The following RAD9B variants were observed in gnomAD, a reference collection of about 807,000 sequenced individuals.
RAD9B encodes the protein cell cycle checkpoint control protein RAD9B.
A neutral mutation model predicts 48.3 loss-of-function variants in RAD9B; 41 were observed. The observed-to-expected ratio is 0.85, with a 90% CI of 0.66 to 1.10. The LOEUF is 1.10. RAD9B is among the 50% of genes least tolerant of loss of function. The pLI, the probability that RAD9B is intolerant of heterozygous loss-of-function variation, is 0.00. For missense variants in RAD9B, 444 were observed against 485.1 expected (o/e 0.92, Z 0.80); for synonymous variants, 160 against 157.9 (o/e 1.01, Z -0.10).
intron 8 of RAD9B, among the ~76,000 whole-genome samples, chr12:110,519,577 T>C (rs1014253862): frequency 6.6e-6 from 1 of 151,914 alleles, no homozygotes; most frequent in Non-Finnish European, 1.5e-5. Context: ...ATTACAGGCA[T>C]GCACCATCAT....
rs746558233 is a variant in RAD9B, at chr12:110,530,635, C to T, written c.1236C>T (p.Gly412=). 5 of 1,613,840 alleles carry T rather than the reference C, an allele frequency of 3.1e-6. No individual in the cohort carries two copies. Among genetic ancestry groups the T allele is most frequent in the Non-Finnish European group, 4.2e-6 (5 of 1,179,864 alleles). Residue 412 remains glycine, a synonymous_variant, in exon 11 of 11, where the codon GGC becomes GGT. Coordinates refer to ENST00000409300, the MANE Select transcript of RAD9B (RefSeq NM_001286535.2). ...ACAGTGAAGAGGACATGAATAATGGCAGTTTCTCTATATTCTAATGCTTAA... is the reference window on the plus strand; with the variant it reads ...ACAGTGAAGAGGACATGAATAATGGTAGTTTCTCTATATTCTAATGCTTAA... ...ASDSEEDMNN[G]SFSIF
intron 2 of RAD9B, among the ~76,000 whole-genome samples, chr12:110,504,468 G>C (rs1289601863): frequency 7.3e-6 from 1 of 137,538 alleles, no homozygotes; most frequent in Non-Finnish European, 1.5e-5. Flanking sequence ...GTGAGAGTGA[G>C]ACTCCGTCCC....
chr12:110,511,200 G>T (rs1269317968), intron 4 of RAD9B, among the ~76,000 whole-genome samples: 5 of 151,920 alleles, frequency 3.3e-5, no homozygotes, highest in Admixed American at 3.3e-4. Flanking sequence ...AAAAATAGAA[G>T]TACCACATGA....
In RAD9B at chr12:110,522,032, T is replaced by A. The variant is rs2063801881; in HGVS notation, c.891-145T>A. The A allele has an allele frequency of 6.6e-6, 4 of 601,874 alleles. No homozygotes were observed. In the East Asian group the frequency reaches 1.1e-4, roughly 17 times the overall value. The allele number at this position is 601,874 out of a possible 1,614,324, so 37.3% of individuals were successfully genotyped here. A position where few individuals can be genotyped will look rare whatever the true frequency, so the allele number is the denominator to read the frequency against. Reference sequence around the variant, plus strand: ...TTTATAAATGATCATATATATAAATTTTAACTTGCAACAATTTAGTTCCAT... The same window carrying A: ...TTTATAAATGATCATATATATAAATATTAACTTGCAACAATTTAGTTCCAT... On this transcript the variant is annotated intron_variant, in intron 9 of 10. Transcript: ENST00000409300.
chr12:110,506,345 C>T (rs1421814463), intron 3 of RAD9B, among the ~76,000 whole-genome samples: 2 of 151,986 alleles, frequency 1.3e-5, no homozygotes, highest in Non-Finnish European at 1.5e-5. Flanking sequence ...CCCGCCACTA[C>T]GCCTGGCTAA....
chr12:110,525,816 G>A (rs969385451), intron 10 of RAD9B, among the ~76,000 whole-genome samples: 5 of 152,108 alleles, frequency 3.3e-5, no homozygotes, highest in African/African-American at 1.2e-4. Flanking sequence ...TCAGCCTCTC[G>A]AGTAGCTGAG....
intron 7 of RAD9B, 38 bp from the exon 8 acceptor site, chr12:110,518,836 T>G: frequency 6.4e-7 from 1 of 1,572,152 alleles, no homozygotes; most frequent in Non-Finnish European, 8.6e-7. Context: ...TAAGTTTTTA[T>G]AAGGATTTTA....
At chr12:110,509,075 C>T (rs1426255446) in intron 4 of RAD9B, among the ~76,000 whole-genome samples, 1 of 152,184 alleles carries the variant, frequency 6.6e-6, no homozygotes, top group Non-Finnish European at 1.5e-5. Flanking sequence ...CGCCATTCTC[C>T]TGCCTCAGCC....
chr12:110,520,438 C>T (rs1411882975), intron 9 of RAD9B, among the ~76,000 whole-genome samples: 1 of 151,928 alleles, frequency 6.6e-6, no homozygotes, highest in Non-Finnish European at 1.5e-5. Flanking sequence ...TCTCAAACTT[C>T]TGGGCTGAAG....
intron 5 of RAD9B, among the ~76,000 whole-genome samples, chr12:110,514,521 A>G (rs1340909990): frequency 6.6e-6 from 1 of 152,192 alleles, no homozygotes; most frequent in Non-Finnish European, 1.5e-5. Flanking sequence ...ACTGTTTTTG[A>G]AAAAAGGAGC....
At chr12:110,504,508 A>C (rs2063202650) in intron 2 of RAD9B, among the ~76,000 whole-genome samples, 1 of 151,420 alleles carries the variant, frequency 6.6e-6, no homozygotes, top group Non-Finnish European at 1.5e-5. Context: ...ATTGAGTCAA[A>C]TTTTTCCTGC....
At chr12:110,525,079 G>A (rs1241728338) in intron 10 of RAD9B, among the ~76,000 whole-genome samples, 2 of 151,926 alleles carry the variant, frequency 1.3e-5, no homozygotes, top group Non-Finnish European at 2.9e-5. Flanking sequence ...TCCACCTCCC[G>A]GGTTCAAGTG....
intron 10 of RAD9B, among the ~76,000 whole-genome samples, chr12:110,529,627 G>A (rs771971891): frequency 3.3e-5 from 5 of 151,986 alleles, no homozygotes; most frequent in Non-Finnish European, 7.4e-5. Flanking sequence ...GTGCATACCT[G>A]TAGTTACAGC....
At position 110,517,704 on chromosome 12, in the gene RAD9B, CAGAG is replaced by C. The variant is rs565556101; in HGVS notation, c.596-969_596-966del. Among the ~76,000 whole-genome samples, 262 of 150,078 alleles carry C rather than the reference CAGAG, an allele frequency of 1.7e-3. 5 individuals carry two copies. Among genetic ancestry groups the C allele is most frequent in the Admixed American group, 0.011 (163 of 14,954 alleles). ...TTCCTCTCTCTCTGAGGGTATGTAT[CAGAG>C]AGGTTTAATGAAGCAATTTTGTAGT... On this transcript the variant is annotated intron_variant, in intron 6 of 10. Transcript: ENST00000409300.
At chr12:110,516,550 G>A (rs933489468) in intron 6 of RAD9B, among the ~76,000 whole-genome samples, 7 of 151,944 alleles carry the variant, frequency 4.6e-5, no homozygotes, top group Admixed American at 1.3e-4. Flanking sequence ...GGTGGCTCAC[G>A]CCTGTAATCC....
At chr12:110,513,750 G>A (rs2063532193) in intron 5 of RAD9B, among the ~76,000 whole-genome samples, 1 of 148,432 alleles carries the variant, frequency 6.7e-6, no homozygotes, top group Admixed American at 6.8e-5. Context: ...TTGAGACAGA[G>A]TCTCCCTCTG....
intron 3 of RAD9B, 54 bp from the exon 4 acceptor site, chr12:110,506,525 T>G: frequency 1.1e-6 from 1 of 940,370 alleles, no homozygotes; most frequent in Admixed American, 1.8e-5. Flanking sequence ...CTTTTGTTTC[T>G]AAAATGAATC....
chr12:110,528,599 G>A (rs1262749498), intron 10 of RAD9B, among the ~76,000 whole-genome samples: 1 of 152,216 alleles, frequency 6.6e-6, no homozygotes. Context: ...AGGAGAGTGC[G>A]GCATGAGAAA....
chr12:110,510,132 C>G (rs556455596), intron 4 of RAD9B, among the ~76,000 whole-genome samples: 1 of 152,310 alleles, frequency 6.6e-6, no homozygotes, highest in South Asian at 2.1e-4. Context: ...TCAGAATGGC[C>G]TATAAGGTCC....
Sources: allele counts gnomAD v4.1 joint callset (sites outside exome capture counted in the v4.1 genomes callset), GRCh38; gene constraint gnomAD v4.1.1; transcripts MANE v1.5; gene names NCBI Gene and HGNC (gene_info 2026-07-23, HGNC 2026-07-21).